The following SYT1 variants were observed in gnomAD, a reference collection of about 807,000 sequenced individuals.
The protein encoded by SYT1 is synaptotagmin-1.
Under a neutral mutation model 44.8 loss-of-function variants are expected in SYT1, and 8 were observed. That is an observed-to-expected ratio of 0.18 (90% CI 0.10 to 0.32). The LOEUF is 0.32. Ranked by LOEUF, SYT1 falls within the 10% of genes least tolerant of loss-of-function variation. SYT1 has a pLI of 1.00. For synonymous variants in SYT1, 154 were observed against 188.8 expected, an observed-to-expected ratio of 0.82 and a Z score of 1.51; for missense variants, 286 against 509.3, an observed-to-expected ratio of 0.56 and a Z score of 4.22.
intron 4 of SYT1, among the ~76,000 whole-genome samples, chr12:79,224,571 G>A (rs1875376066): frequency 6.6e-6 from 1 of 151,906 alleles, no homozygotes; most frequent in Non-Finnish European, 1.5e-5. Context: ...ATTGAACGAG[G>A]TGGAGACTGG....
chr12:79,315,294 T>A (rs1184175649), intron 8 of SYT1, among the ~76,000 whole-genome samples: 1 of 152,182 alleles, frequency 6.6e-6, no homozygotes, highest in Non-Finnish European at 1.5e-5. Context: ...CACTGCAGCT[T>A]CAAACTCCCA....
intron 1 of SYT1, among the ~76,000 whole-genome samples, chr12:78,972,550 T>C (rs1390302015): frequency 6.6e-6 from 1 of 151,216 alleles, no homozygotes; most frequent in East Asian, 1.9e-4. Context: ...TATATATATA[T>C]ATATTTATGA....
At chr12:79,267,195 A>T (rs1592913927) in intron 4 of SYT1, among the ~76,000 whole-genome samples, 1 of 152,230 alleles carries the variant, frequency 6.6e-6, no homozygotes, top group Non-Finnish European at 1.5e-5. Context: ...ATATCAGGGA[A>T]TATATCTGCC....
intron 4 of SYT1, among the ~76,000 whole-genome samples, chr12:79,255,255 A>T (rs2138707986): frequency 6.6e-6 from 1 of 152,328 alleles, no homozygotes; most frequent in East Asian, 1.9e-4. Context: ...TCAGCCTTCA[A>T]CACAGAAGCA....
At chr12:79,276,902 T>C (rs1332206922) in intron 4 of SYT1, among the ~76,000 whole-genome samples, 1 of 124,448 alleles carries the variant, frequency 8.0e-6, no homozygotes, top group Non-Finnish European at 1.6e-5. Context: ...AACCTAACAA[T>C]CCAGAAGAAG....
At position 79,224,744 on chromosome 12, in the gene SYT1, TTTATTTTTTATTATTATTATTATTATTA is replaced by T. The variant is rs199931918; in HGVS notation, c.166+7065_166+7092del. Among the ~76,000 whole-genome samples the T allele has an allele frequency of 8.3e-3, 1,215 of 145,822 alleles. 19 individuals are homozygous for T. Among genetic ancestry groups the T allele is most frequent in the Middle Eastern group, 0.033 (9 of 274 alleles). On this transcript the variant is annotated intron_variant, in intron 4 of 10. Transcript: ENST00000261205. ...TTTGTTTTGTTTCATTTTTTATTTA[TTTATTTTTTATTATTATTATTATTATTA>T]TTATTATTATTATTATTATTATTAG...
At chr12:79,299,680 TAGGGTCAA>T in intron 8 of SYT1, 129 bp downstream of exon 8, 2 of 1,170,926 alleles carry the variant, frequency 1.7e-6, no homozygotes, top group African/African-American at 3.1e-5. Flanking sequence ...GCTGATAAAA[TAGGGTCAA>T]GGGCACTGCA....
chr12:78,864,479 C>G (rs1873421413), upstream of SYT1: 2 of 152,256 alleles, frequency 1.3e-5, no homozygotes, highest in African/African-American at 4.8e-5. Context: ...GATTGTGTCT[C>G]CTTGGGATCT....
At chr12:78,957,962 A>G (rs1384935499) in intron 1 of SYT1, among the ~76,000 whole-genome samples, 1 of 152,198 alleles carries the variant, frequency 6.6e-6, no homozygotes, top group Non-Finnish European at 1.5e-5. Flanking sequence ...AAAAGAAATA[A>G]CTAAAAAACT....
chr12:79,048,827 G>A (rs1040463490), intron 3 of SYT1, among the ~76,000 whole-genome samples: 2 of 151,812 alleles, frequency 1.3e-5, no homozygotes, highest in Non-Finnish European at 2.9e-5. Flanking sequence ...TGAAATAAGT[G>A]AGAAATTTCT....
chr12:79,042,809 G>T (rs893890315), intron 2 of SYT1, among the ~76,000 whole-genome samples: 6 of 150,778 alleles, frequency 4.0e-5, no homozygotes, highest in East Asian at 1.9e-4. Flanking sequence ...GTGTCCCAGA[G>T]ATTCTGGTAT....
At chr12:79,392,535 T>C (rs915250688) in intron 9 of SYT1, 6 of 152,114 alleles carry the variant, frequency 3.9e-5, no homozygotes, top group Non-Finnish European at 7.4e-5. Context: ...TATGATTTAC[T>C]TGGAGTATAA....
intron 1 of SYT1, among the ~76,000 whole-genome samples, chr12:78,932,213 TTTTG>T (rs552435680): frequency 3.3e-5 from 5 of 152,372 alleles, no homozygotes; most frequent in South Asian, 2.1e-4. Context: ...TTTGGTTTGG[TTTTG>T]TTTAATTAAT....
chr12:79,227,550 T>C (rs1875596875), intron 4 of SYT1, among the ~76,000 whole-genome samples: 1 of 152,186 alleles, frequency 6.6e-6, no homozygotes, highest in Non-Finnish European at 1.5e-5. Flanking sequence ...GGAATAGTTG[T>C]ATAATTTATG....
intron 1 of SYT1, among the ~76,000 whole-genome samples, chr12:78,948,178 C>G (rs1423352188): frequency 6.6e-6 from 1 of 151,518 alleles, no homozygotes; most frequent in African/African-American, 2.4e-5. Flanking sequence ...ATATTAAAGG[C>G]TTTCAAAATG....
intron 3 of SYT1, among the ~76,000 whole-genome samples, chr12:79,134,615 A>T (rs1413893636): frequency 6.6e-6 from 1 of 152,184 alleles, no homozygotes; most frequent in Non-Finnish European, 1.5e-5. Context: ...TTACTTGGTT[A>T]ATATTTATGT....
rs529639582 is a variant in SYT1, at chr12:79,164,736, A to G, written c.-17-52767A>G. 2.6e-5 allele frequency among the ~76,000 whole-genome samples: 4 copies of G among 152,140 alleles called. No individual in the cohort carries two copies. The East Asian group carries it at 5.8e-4, about 22-fold the overall frequency. On this transcript the variant is annotated intron_variant, in intron 3 of 10. Coordinates refer to ENST00000261205, the MANE Select transcript of SYT1 (RefSeq NM_005639.3). ...GATCATTGGTTGCTTTGCAAAGTGG[A>G]TAGATTAGATTTAAATTTATTTTTT...
rs529011229 is a variant in SYT1 at position 79,311,277 on chromosome 12, T to G, written c.810+11726T>G. ...AAAACACATGAAAAAATGCTCACCA[T>G]CACTGGCCATCAGAGAAATGCAAAT... is the stretch of plus-strand genomic sequence containing the variant. On this transcript the variant is annotated intron_variant, in intron 8 of 10. Coordinates refer to ENST00000261205, the MANE Select transcript of SYT1 (RefSeq NM_005639.3). Among the ~76,000 whole-genome samples the G allele has an allele frequency of 7.2e-5, 11 of 152,250 alleles. No individual in the cohort carries two copies. The East Asian group carries it at 1.9e-3, about 27-fold the overall frequency.
chr12:79,436,514 T>G (rs780041976), intron 9 of SYT1, among the ~76,000 whole-genome samples: 3 of 152,216 alleles, frequency 2.0e-5, no homozygotes, highest in Non-Finnish European at 1.5e-5. Context: ...AAATGAAAAC[T>G]GCAGGCATCT....
Sources: allele counts gnomAD v4.1 joint callset (sites outside exome capture counted in the v4.1 genomes callset), GRCh38; gene constraint gnomAD v4.1.1; transcripts MANE v1.5; gene names NCBI Gene and HGNC (gene_info 2026-07-23, HGNC 2026-07-21).